Variants in SLC25A13 observed in about 807,000 individuals in gnomAD.
The protein encoded by SLC25A13 is solute carrier family 25 member 13.
SLC25A13 carries 70 observed loss-of-function variants against 85.5 expected under a neutral mutation model. The ratio of observed to expected loss-of-function variants is 0.82; its 90% CI spans 0.68 to 1.00. The LOEUF is 1.00. Among genes scored for constraint, SLC25A13 ranks in the 50% least tolerant of loss-of-function variants. The probability of loss-of-function intolerance (pLI) is 0.00; values close to 1 mark genes in which losing one functional copy is unlikely to be tolerated. For missense variants in SLC25A13, 765 were observed against 819.8 expected (o/e 0.93, Z 0.82); for synonymous variants, 259 against 288.7 (o/e 0.90, Z 1.04).
intron 13 of SLC25A13, among the ~76,000 whole-genome samples, chr7:96,168,221 C>T (rs958027131): frequency 1.3e-5 from 2 of 150,780 alleles, no homozygotes; most frequent in African/African-American, 4.9e-5. Context: ...TGTCTGCTAC[C>T]TACAGGATTG....
chr7:96,244,691 A>T (rs1797118322), intron 3 of SLC25A13, among the ~76,000 whole-genome samples: 1 of 152,118 alleles, frequency 6.6e-6, no homozygotes, highest in Non-Finnish European at 1.5e-5. Context: ...CATTCCCTGG[A>T]GTGCATGTGT....
At chr7:96,258,037 T>C (rs1797707195) in intron 3 of SLC25A13, among the ~76,000 whole-genome samples, 1 of 151,982 alleles carries the variant, frequency 6.6e-6, no homozygotes. Context: ...GTAAAAACAC[T>C]CAATAAACCA....
Position 96,317,226 on chromosome 7 carries a change from C to G in SLC25A13, c.15+4716G>C, listed in dbSNP as rs138002417. On this transcript the variant is annotated intron_variant, in intron 1 of 17. Coordinates refer to ENST00000265631, the MANE Select transcript of SLC25A13 (RefSeq NM_014251.3). The stretch of plus-strand genomic sequence containing the variant: ...AGGTGATTCACCTGCCTCGGCCTCC[C>G]AAGGTGCTGGGATTATAGGTGTGAG... 3.9e-3 allele frequency among the ~76,000 whole-genome samples: 599 copies of G among 152,172 alleles called. 4 individuals carry two copies. The highest frequency in any genetic ancestry group is 0.015 in the South Asian group (70 of 4,820).
At chr7:96,256,802 C>T (rs1384473254) in intron 3 of SLC25A13, among the ~76,000 whole-genome samples, 20 of 152,058 alleles carry the variant, frequency 1.3e-4, no homozygotes, top group African/African-American at 4.6e-4. Context: ...ATTCTAAAAT[C>T]GACCACATAA....
chr7:96,312,945 T>C (rs1800000518), intron 1 of SLC25A13, among the ~76,000 whole-genome samples: 1 of 152,230 alleles, frequency 6.6e-6, no homozygotes, highest in South Asian at 2.1e-4. Flanking sequence ...TTCAGGCTGA[T>C]GGTGTCTCTC....
At chr7:96,152,011 G>A (rs1047668755) in intron 13 of SLC25A13, among the ~76,000 whole-genome samples, 1 of 152,196 alleles carries the variant, frequency 6.6e-6, no homozygotes, top group Admixed American at 6.5e-5. Flanking sequence ...AAAAGTAAAG[G>A]AGGCTATTTA....
At chr7:96,137,159 A>G (rs1792322377) in intron 14 of SLC25A13, among the ~76,000 whole-genome samples, 1 of 152,126 alleles carries the variant, frequency 6.6e-6, no homozygotes. Flanking sequence ...CCCCACCTAC[A>G]TGGCTGAGAT....
intron 5 of SLC25A13, among the ~76,000 whole-genome samples, chr7:96,207,070 G>C (rs931736566): frequency 2.0e-5 from 3 of 152,070 alleles, no homozygotes; most frequent in African/African-American, 7.3e-5. Flanking sequence ...CAAAAATCCG[G>C]CAACTCACAT....
intron 3 of SLC25A13, among the ~76,000 whole-genome samples, chr7:96,271,879 A>ATTTAT (rs945215244): frequency 3.2e-4 from 49 of 151,676 alleles, no homozygotes; most frequent in Middle Eastern, 3.4e-3. Flanking sequence ...ATTTTATTTT[A>ATTTAT]TTTATTTTAT....
At chr7:96,213,556 C>T (rs1345623515) in intron 4 of SLC25A13, among the ~76,000 whole-genome samples, 1 of 152,198 alleles carries the variant, frequency 6.6e-6, no homozygotes, top group African/African-American at 2.4e-5. Flanking sequence ...TCACCAAACC[C>T]GTACCATTCC....
chr7:96,191,903 G>A lies in SLC25A13; in HGVS notation c.616-656C>T, dbSNP rs561378267. 8.7e-4 allele frequency among the ~76,000 whole-genome samples: 133 copies of A among 152,096 alleles called. 4 individuals carry two copies. In the South Asian group the frequency reaches 0.027, roughly 31 times the overall value. On this transcript the variant is annotated intron_variant, in intron 6 of 17. Coordinates refer to ENST00000265631, the MANE Select transcript of SLC25A13 (RefSeq NM_014251.3). ...ACCATATTTCTTCACAGGGGACAAG[G>A]GAAACAGACAGAATGTCCATTATGA...
At chr7:96,257,618 C>T (rs1797690336) in intron 3 of SLC25A13, among the ~76,000 whole-genome samples, 1 of 152,122 alleles carries the variant, frequency 6.6e-6, no homozygotes, top group Non-Finnish European at 1.5e-5. Flanking sequence ...GGATTCACAG[C>T]CAAATTCTAC....
chr7:96,233,793 C>G (rs946755981), intron 4 of SLC25A13, among the ~76,000 whole-genome samples: 1 of 152,148 alleles, frequency 6.6e-6, no homozygotes, highest in African/African-American at 2.4e-5. Flanking sequence ...TGTATGTTTT[C>G]CACAATACAT....
intron 13 of SLC25A13, among the ~76,000 whole-genome samples, chr7:96,154,797 T>A (rs1005669470): frequency 8.6e-6 from 1 of 116,318 alleles, no homozygotes; most frequent in Non-Finnish European, 1.7e-5. Flanking sequence ...TTCAGCATCT[T>A]TTTCTTTTTT....
At chr7:96,313,610 A>G (rs1490645354) in intron 1 of SLC25A13, among the ~76,000 whole-genome samples, 2 of 152,120 alleles carry the variant, frequency 1.3e-5, no homozygotes, top group Non-Finnish European at 2.9e-5. Context: ...GGGGACTACT[A>G]GAGGGAGGAG....
At chr7:96,284,495 T>G (rs1160182751) in intron 2 of SLC25A13, among the ~76,000 whole-genome samples, 1 of 152,236 alleles carries the variant, frequency 6.6e-6, no homozygotes, top group African/African-American at 2.4e-5. Flanking sequence ...ATATGTCTTC[T>G]GTTTCTCATT....
chr7:96,242,655 C>A (rs80333377), intron 3 of SLC25A13, among the ~76,000 whole-genome samples: 2,046 of 152,270 alleles, frequency 0.013, 37 homozygotes, highest in African/African-American at 0.047. Flanking sequence ...CTTATCTGAA[C>A]CCAGACATTT....
At chr7:96,233,388 G>A (rs959764466) in intron 4 of SLC25A13, among the ~76,000 whole-genome samples, 6 of 152,214 alleles carry the variant, frequency 3.9e-5, no homozygotes, top group African/African-American at 1.2e-4. Flanking sequence ...AGTTGTGGTT[G>A]CAGTGGTGCT....
At chr7:96,224,717 AT>A (rs1454296896) in intron 4 of SLC25A13, among the ~76,000 whole-genome samples, 1 of 152,206 alleles carries the variant, frequency 6.6e-6, no homozygotes, top group Non-Finnish European at 1.5e-5. Context: ...GTGAAAAAAA[AT>A]CGTAACTAAT....
Sources: gnomAD v4.1 joint callset for allele counts (sites outside exome capture counted in the v4.1 genomes callset) on GRCh38, gnomAD v4.1.1 for gene constraint, MANE v1.5 for transcripts, NCBI Gene and HGNC (gene_info 2026-07-23, HGNC 2026-07-21) for gene names.